The following THSD7A variants were observed in gnomAD, a reference collection of about 807,000 sequenced individuals.
THSD7A encodes the protein thrombospondin type-1 domain-containing protein 7A.
In THSD7A, 96 loss-of-function variants were observed where a neutral mutation model predicts 231.3. The ratio of observed to expected loss-of-function variants is 0.41; its 90% CI spans 0.35 to 0.49. The LOEUF (loss-of-function observed/expected upper bound fraction) is 0.49. Ranked by LOEUF, THSD7A falls within the 20% of genes least tolerant of loss-of-function variation. The pLI is 0.05. For synonymous variants in THSD7A, 940 were observed against 743.3 expected (o/e 1.26, Z -4.30); for missense variants, 2,290 against 2,070.2 (o/e 1.11, Z -2.06).
chr7:11,787,912 C>T (rs1783839453), intron 1 of THSD7A, among the ~76,000 whole-genome samples: 1 of 152,048 alleles, frequency 6.6e-6, no homozygotes, highest in South Asian at 2.1e-4. Flanking sequence ...CTAGAAATGG[C>T]TCACCAATTT....
chr7:11,437,904 C>T (rs1784684652), intron 13 of THSD7A, among the ~76,000 whole-genome samples: 1 of 151,912 alleles, frequency 6.6e-6, no homozygotes. Context: ...TTATATTTAT[C>T]AGTTTTATCT....
chr7:11,762,114 G>T (rs1782882730), intron 1 of THSD7A, among the ~76,000 whole-genome samples: 1 of 152,084 alleles, frequency 6.6e-6, no homozygotes, highest in African/African-American at 2.4e-5. Flanking sequence ...GTATTCCATG[G>T]TGTATACCTA....
chr7:11,566,416 A>G (rs1306376827), intron 4 of THSD7A, among the ~76,000 whole-genome samples: 1 of 152,212 alleles, frequency 6.6e-6, no homozygotes, highest in Non-Finnish European at 1.5e-5. Context: ...TAAACTAGGG[A>G]TATGGATTTT....
Position 11,447,277 on chromosome 7 carries a change from C to T in THSD7A, c.2753G>A (p.Cys918Tyr). Reference protein sequence around the residue: ...QLTSWSKFSSCNGDCGAVRTR... With the variant: ...QLTSWSKFSSYNGDCGAVRTR... ...CCTAACTGCACCACAGTCTCCATTG[C>T]ATGAAGAAAACTTGGACCAGCTGGT... Residue 918 changes from cysteine (C) to tyrosine (Y), a missense_variant, in exon 12 of 28, where the codon TGC (cysteine) becomes TAC (tyrosine). Cys to Tyr is a radical substitution (Grantham distance 194). Transcript: ENST00000423059. 6.2e-7 allele frequency: 1 copy of T among 1,613,090 alleles called. No homozygotes were observed.
chr7:11,594,539 C>A (rs28750443), intron 2 of THSD7A, among the ~76,000 whole-genome samples: 3,548 of 152,186 alleles, frequency 0.023, 141 homozygotes, highest in African/African-American at 0.08. Context: ...GCATTTGACG[C>A]TCCTGATTCA....
intron 11 of THSD7A, among the ~76,000 whole-genome samples, chr7:11,448,401 A>G (rs543971146): frequency 2.6e-5 from 4 of 152,278 alleles, no homozygotes; most frequent in African/African-American, 9.6e-5. Flanking sequence ...CAGATGAAAC[A>G]TTAAACCTTG....
chr7:11,693,423 A>G (rs1415247623), intron 1 of THSD7A, among the ~76,000 whole-genome samples: 1 of 151,568 alleles, frequency 6.6e-6, no homozygotes. Context: ...GCTGTCTACA[A>G]ATTGTAATTT....
rs145839204 is a variant in THSD7A at position 11,660,912 on chromosome 7, T to C, written c.191-23951A>G. On this transcript the variant is annotated intron_variant, in intron 1 of 27. Coordinates refer to ENST00000423059, the MANE Select transcript of THSD7A (RefSeq NM_015204.3). ...CTATTTTAAAACAACAGAGACATAT[T>C]AATGCAGCAAGGACTCGAAGAGCCA... 4.9e-3 allele frequency among the ~76,000 whole-genome samples: 739 copies of C among 151,504 alleles called. 5 individuals carry two copies. Among genetic ancestry groups the C allele is most frequent in the African/African-American group, 0.017 (704 of 41,458 alleles).
rs16876881 is a variant in THSD7A at position 11,540,711 on chromosome 7, A to G, written c.1822+708T>C. Among the ~76,000 whole-genome samples, 741 of 152,338 alleles carry G rather than the reference A, an allele frequency of 4.9e-3. 4 individuals are homozygous for G. The highest frequency in any genetic ancestry group is 0.017 in the African/African-American group (707 of 41,576). On this transcript the variant is annotated intron_variant, in intron 6 of 27. Transcript: ENST00000423059. ...AAGGAGTTCTCCCCAAAACAGTAGC[A>G]GTACTCTTTGGAAGGAAGGTAAAAA...
chr7:11,533,255 G>C (rs1788778120), intron 6 of THSD7A, among the ~76,000 whole-genome samples: 1 of 152,156 alleles, frequency 6.6e-6, no homozygotes, highest in African/African-American at 2.4e-5. Flanking sequence ...GGCCAACTGA[G>C]AAAGTTCCTC....
intron 25 of THSD7A, 44 bp downstream of exon 25, chr7:11,379,586 A>G (rs1480432739): frequency 2.7e-6 from 4 of 1,503,262 alleles, no homozygotes; most frequent in Non-Finnish European, 3.6e-6. Flanking sequence ...GTGGGGTGAC[A>G]CATGATGGAG....
At chr7:11,732,020 C>A (rs1781752896) in intron 1 of THSD7A, among the ~76,000 whole-genome samples, 1 of 151,522 alleles carries the variant, frequency 6.6e-6, no homozygotes. Context: ...TGAATATTCA[C>A]ACATTTATGT....
At chr7:11,668,445 A>G (rs975817707) in intron 1 of THSD7A, among the ~76,000 whole-genome samples, 10 of 145,098 alleles carry the variant, frequency 6.9e-5, no homozygotes, top group African/African-American at 2.6e-4. Context: ...AAAAGAAAGA[A>G]AGAGAGAGAG....
intron 11 of THSD7A, among the ~76,000 whole-genome samples, chr7:11,454,511 C>T (rs1364440859): frequency 1.3e-5 from 2 of 151,584 alleles, no homozygotes; most frequent in African/African-American, 4.8e-5. Context: ...TTGCTTGAGT[C>T]ATCCTATATT....
At chr7:11,528,539 G>C (rs75550630) in intron 6 of THSD7A, among the ~76,000 whole-genome samples, 1,962 of 152,230 alleles carry the variant, frequency 0.013, 27 homozygotes, top group Non-Finnish European at 0.019. Flanking sequence ...AAACAATGTT[G>C]AGGAGGCAAG....
chr7:11,801,662 T>C (rs1404247106), intron 1 of THSD7A, among the ~76,000 whole-genome samples: 1 of 152,032 alleles, frequency 6.6e-6, no homozygotes, highest in Admixed American at 6.6e-5. Flanking sequence ...CCAAAAGAAC[T>C]GGAAAAAAAA....
intron 4 of THSD7A, among the ~76,000 whole-genome samples, chr7:11,584,296 T>C (rs1190668597): frequency 6.6e-6 from 1 of 152,146 alleles, no homozygotes. Context: ...AATAATTGAT[T>C]ATATTACTGT....
At chr7:11,803,860 C>A (rs1285764161) in intron 1 of THSD7A, among the ~76,000 whole-genome samples, 1 of 152,070 alleles carries the variant, frequency 6.6e-6, no homozygotes, top group Non-Finnish European at 1.5e-5. Flanking sequence ...CTCAGTAAAT[C>A]TAATGCGTAG....
chr7:11,424,138 G>T (rs1440305177), intron 16 of THSD7A, among the ~76,000 whole-genome samples: 1 of 151,190 alleles, frequency 6.6e-6, no homozygotes, highest in East Asian at 1.9e-4. Context: ...GAGCACTGAA[G>T]CATGGCTAGT....
Sources: gnomAD v4.1 joint callset for allele counts (sites outside exome capture counted in the v4.1 genomes callset) on GRCh38, gnomAD v4.1.1 for gene constraint, MANE v1.5 for transcripts, NCBI Gene and HGNC (gene_info 2026-07-23, HGNC 2026-07-21) for gene names.